Variants in SLC25A12 observed in about 807,000 individuals in gnomAD.
SLC25A12 encodes electrogenic aspartate/glutamate antiporter SLC25A12, mitochondrial.
SLC25A12 carries 32 observed loss-of-function variants against 83.3 expected under a neutral mutation model. That is an observed-to-expected ratio of 0.38 (90% CI 0.29 to 0.52). The LOEUF (loss-of-function observed/expected upper bound fraction) is 0.52. Among genes scored for constraint, SLC25A12 ranks in the 20% least tolerant of loss-of-function variants. SLC25A12 has a pLI of 0.84. For synonymous variants in SLC25A12, 267 were observed against 291.1 expected (o/e 0.92, Z 0.84); for missense variants, 611 against 835.6 (o/e 0.73, Z 3.31).
intron 13 of SLC25A12, among the ~76,000 whole-genome samples, chr2:171,799,786 A>C (rs913969444): frequency 1.3e-5 from 2 of 152,228 alleles, no homozygotes; most frequent in African/African-American, 4.8e-5. Context: ...AAAGCAAGAC[A>C]CAAAGGGAAA....
intron 4 of SLC25A12, among the ~76,000 whole-genome samples, chr2:171,851,977 T>C (rs1684944574): frequency 6.6e-6 from 1 of 152,338 alleles, no homozygotes; most frequent in East Asian, 1.9e-4. Context: ...AAGGCAAACT[T>C]ACACTGTAGC....
intron 6 of SLC25A12, 115 bp from the exon 7 acceptor site, chr2:171,834,980 T>C: frequency 9.5e-7 from 1 of 1,051,882 alleles, no homozygotes; most frequent in East Asian, 2.6e-5. Flanking sequence ...AAAATGATGT[T>C]AACAACCAGT....
intron 2 of SLC25A12, among the ~76,000 whole-genome samples, chr2:171,892,243 T>TC (rs1685954973): frequency 6.6e-6 from 1 of 151,938 alleles, no homozygotes. Context: ...TTTTTTTTTT[T>TC]TTTGAGACAG....
At chr2:171,852,463 T>C (rs1464952092) in intron 4 of SLC25A12, among the ~76,000 whole-genome samples, 2 of 152,228 alleles carry the variant, frequency 1.3e-5, no homozygotes, top group Admixed American at 6.5e-5. Context: ...CCTTACACAT[T>C]GCAGCTAATA....
intron 15 of SLC25A12, among the ~76,000 whole-genome samples, chr2:171,789,135 A>G (rs1246416690): frequency 1.3e-5 from 2 of 152,198 alleles, no homozygotes; most frequent in Non-Finnish European, 2.9e-5. Flanking sequence ...AGACTGGGCC[A>G]AGTGTGGTGG....
intron 13 of SLC25A12, among the ~76,000 whole-genome samples, chr2:171,805,341 C>T (rs1409286261): frequency 6.6e-6 from 1 of 152,102 alleles, no homozygotes; most frequent in Non-Finnish European, 1.5e-5. Context: ...GAACTCCTGA[C>T]CTCAGGTGAT....
intron 17 of SLC25A12, among the ~76,000 whole-genome samples, chr2:171,786,965 T>A (rs1690500336): frequency 6.6e-6 from 1 of 152,206 alleles, no homozygotes; most frequent in South Asian, 2.1e-4. Context: ...GGCCATATAA[T>A]AAAATCCACA....
chr2:171,869,575 A>C (rs989968524), intron 2 of SLC25A12, among the ~76,000 whole-genome samples: 2 of 152,212 alleles, frequency 1.3e-5, no homozygotes, highest in African/African-American at 4.8e-5. Flanking sequence ...ATAAATTAAA[A>C]TATTCTTTGA....
At position 171,826,698 on chromosome 2, in the gene SLC25A12, T is replaced by C. The variant is rs146555212; in HGVS notation, c.930+100A>G. Reference sequence around the variant, plus strand: ...CTAAGTAAAGTCTTTCTCTGGAAAGTAATTTTTAATTTTTACAGCATTCAG... The same window carrying C: ...CTAAGTAAAGTCTTTCTCTGGAAAGCAATTTTTAATTTTTACAGCATTCAG... On this transcript the variant is annotated intron_variant, in intron 9 of 17. Transcript: ENST00000422440. 682 of 758,638 alleles carry C rather than the reference T, an allele frequency of 9.0e-4. 7 individuals are homozygous for C. The highest frequency in any genetic ancestry group is 5.1e-3 in the African/African-American group (301 of 58,466). 47.0% of individuals were successfully genotyped at this position (758,638 alleles called of 1,614,324 possible). A position where few individuals can be genotyped will look rare whatever the true frequency, so the allele number is the denominator to read the frequency against.
intron 2 of SLC25A12, among the ~76,000 whole-genome samples, chr2:171,890,060 ACAAAC>A (rs2105935160): frequency 6.6e-6 from 1 of 152,332 alleles, no homozygotes; most frequent in East Asian, 1.9e-4. Context: ...TCCCTCAACC[ACAAAC>A]CATGAGAGAT....
intron 9 of SLC25A12, among the ~76,000 whole-genome samples, chr2:171,823,827 T>C (rs1684242770): frequency 6.6e-6 from 1 of 151,970 alleles, no homozygotes; most frequent in Admixed American, 6.6e-5. Flanking sequence ...TGGTGGTGTA[T>C]GCCTACAGTC....
chr2:171,861,992 A>C (rs1158007531), intron 3 of SLC25A12, among the ~76,000 whole-genome samples: 1 of 152,216 alleles, frequency 6.6e-6, no homozygotes, highest in Non-Finnish European at 1.5e-5. Context: ...TGTGTTTTTT[A>C]AAAATTTTCT....
chr2:171,819,230 TG>T (rs1168718029), intron 9 of SLC25A12, among the ~76,000 whole-genome samples: 5 of 132,910 alleles, frequency 3.8e-5, no homozygotes, highest in Non-Finnish European at 6.2e-5. Context: ...ATATTATATA[TG>T]TATATAATAT....
At chr2:171,893,078 T>C (rs1685979323) in intron 2 of SLC25A12, 127 bp downstream of exon 2, 3 of 726,090 alleles carry the variant, frequency 4.1e-6, no homozygotes, top group East Asian at 5.1e-5. Context: ...ATAAGCTATA[T>C]TGTCCGGTCA....
chr2:171,794,481 A>T (rs1683555916), intron 13 of SLC25A12, among the ~76,000 whole-genome samples: 1 of 152,222 alleles, frequency 6.6e-6, no homozygotes, highest in Non-Finnish European at 1.5e-5. Flanking sequence ...TACCATGAGT[A>T]CAACACCCTC....
At chr2:171,865,025 C>T (rs1312499905) in intron 3 of SLC25A12, among the ~76,000 whole-genome samples, 1 of 152,074 alleles carries the variant, frequency 6.6e-6, no homozygotes, top group Non-Finnish European at 1.5e-5. Context: ...TAAACTCTCC[C>T]CTAATTTATT....
chr2:171,805,981 C>A (rs2105854060), intron 13 of SLC25A12, among the ~76,000 whole-genome samples: 1 of 151,828 alleles, frequency 6.6e-6, no homozygotes, highest in South Asian at 2.1e-4. Context: ...TGGTGGCATG[C>A]ACCTGTAGTC....
At chr2:171,889,990 G>T (rs561145804) in intron 2 of SLC25A12, among the ~76,000 whole-genome samples, 14 of 152,332 alleles carry the variant, frequency 9.2e-5, no homozygotes, top group Non-Finnish European at 5.9e-5. Flanking sequence ...CCACTATGAT[G>T]TAAGAAGCCA....
At chr2:171,816,062 CTTTTTTT>C (rs761249375) in intron 9 of SLC25A12, among the ~76,000 whole-genome samples, 6 of 127,510 alleles carry the variant, frequency 4.7e-5, no homozygotes, top group Admixed American at 8.0e-5. Context: ...AAAAATATTC[CTTTTTTT>C]TTTTTTTTTT....
Sources: allele counts gnomAD v4.1 joint callset (sites outside exome capture counted in the v4.1 genomes callset), GRCh38; gene constraint gnomAD v4.1.1; transcripts MANE v1.5; gene names NCBI Gene and HGNC (gene_info 2026-07-23, HGNC 2026-07-21).